ZNF331: variants seen among roughly 807,000 people sequenced by gnomAD.
ZNF331 encodes C2H2-like zinc finger protein rearranged in thyroid adenomas.
A neutral mutation model predicts 7.0 loss-of-function variants in ZNF331; 2 were observed. That is an observed-to-expected ratio of 0.29 (90% CI 0.12 to 0.90). The LOEUF (loss-of-function observed/expected upper bound fraction) is 0.90, where lower values mean the gene tolerates loss of function less well. Among genes scored for constraint, ZNF331 ranks in the 40% least tolerant of loss-of-function variants. The pLI is 0.58. For synonymous variants in ZNF331, 196 were observed against 205.4 expected, an observed-to-expected ratio of 0.95 and a Z score of 0.39; for missense variants, 432 against 587.7, an observed-to-expected ratio of 0.74 and a Z score of 2.74.
intron 4 of ZNF331, 80 bp downstream of exon 4, chr19:53,569,465 T>G (rs2090332159): frequency 6.6e-7 from 1 of 1,515,628 alleles, no homozygotes; most frequent in East Asian, 2.3e-5. Context: ...CTGAAGCCTT[T>G]TATCTAGTCA....
chr19:53,506,411 C>CCT, the ZNF331 span, among the ~76,000 whole-genome samples: 116 of 74,376 alleles, frequency 1.6e-3, no homozygotes, highest in South Asian at 2.0e-3. Context: ...CTCTCTCTCT[C>CCT]CTCTCTCTCT....
intron 3 of ZNF331, among the ~76,000 whole-genome samples, chr19:53,559,106 A>G (rs2089637677): frequency 7.0e-6 from 1 of 142,750 alleles, no homozygotes; most frequent in African/African-American, 2.5e-5. Context: ...AGAGACACAT[A>G]TATACACACC....
chr19:53,549,718 T>A (rs28811074), intron 2 of ZNF331, among the ~76,000 whole-genome samples: 11,604 of 151,542 alleles, frequency 0.077, 1,403 homozygotes, highest in African/African-American at 0.26. Flanking sequence ...AATTTTTTTT[T>A]AAAAATCTTT....
the ZNF331 span, among the ~76,000 whole-genome samples, chr19:53,506,466 C>CTCTCTCTGTCTG: frequency 7.0e-6 from 1 of 143,350 alleles, no homozygotes; most frequent in African/African-American, 2.7e-5. Flanking sequence ...CTCTCTCTCT[C>CTCTCTCTGTCTG]TCTCTCTCTC....
At chr19:53,540,859 G>A (rs1038101296) in intron 2 of ZNF331, among the ~76,000 whole-genome samples, 7 of 152,080 alleles carry the variant, frequency 4.6e-5, no homozygotes, top group African/African-American at 9.7e-5. Context: ...TTTCCATCAC[G>A]TCACTCTGAC....
In ZNF331 at chr19:53,558,017, G is replaced by A. The variant is rs1340341019; in HGVS notation, c.-74+2109G>A. Among the ~76,000 whole-genome samples, 1 of 152,092 alleles carries A rather than the reference G, an allele frequency of 6.6e-6. No individual in the cohort carries two copies. Among genetic ancestry groups the A allele is most frequent in the Non-Finnish European group, 1.5e-5 (1 of 68,002 alleles). ...TGTGTGGGGAGAAGCAAGCTGTAGT[G>A]GACATCAGCCGGATGTCCTGCAGTT... On this transcript the variant is annotated intron_variant, in intron 3 of 5. Transcript: ENST00000449416. The surrounding 1 kb of genome is among the most constrained non-coding windows in gnomAD (Gnocchi z 4.5).
the ZNF331 span, among the ~76,000 whole-genome samples, chr19:53,509,237 C>A: frequency 6.6e-6 from 1 of 152,188 alleles, no homozygotes; most frequent in African/African-American, 2.4e-5. Context: ...CCTCTGTGAG[C>A]TGCGTCTCCT....
chr19:53,570,315 A>C (rs1354625001), intron 4 of ZNF331, among the ~76,000 whole-genome samples: 2 of 152,020 alleles, frequency 1.3e-5, no homozygotes, highest in Non-Finnish European at 2.9e-5. Context: ...GATGGTAATA[A>C]ATATGAAGAT....
chr19:53,514,149 GC>G, the ZNF331 span, among the ~76,000 whole-genome samples: 4 of 151,836 alleles, frequency 2.6e-5, no homozygotes, highest in Admixed American at 6.6e-5. Context: ...TGTGGTTTTT[GC>G]CTGAAAACAC....
At chr19:53,554,649 T>G (rs1221153941) in intron 2 of ZNF331, 1 of 152,256 alleles carries the variant, frequency 6.6e-6, no homozygotes, top group Non-Finnish European at 1.5e-5. Context: ...TCGGTGCGCT[T>G]CTGCACCGGT....
chr19:53,551,784 T>C lies in ZNF331; in HGVS notation c.-137-4061T>C, dbSNP rs373413216. ...TTAGCATAGCATATAAGATAATTTATAAAGAATCTAGAATCTAAAATGTAC... is the reference window on the plus strand; with the variant it reads ...TTAGCATAGCATATAAGATAATTTACAAAGAATCTAGAATCTAAAATGTAC... On this transcript the variant is annotated intron_variant, in intron 2 of 5. Coordinates refer to ENST00000449416, the MANE Select transcript of ZNF331 (RefSeq NM_001079906.2). Among the ~76,000 whole-genome samples, 17 of 152,328 alleles carry C rather than the reference T, an allele frequency of 1.1e-4. No individual in the cohort carries two copies. In the East Asian group the frequency reaches 1.9e-3, roughly 17 times the overall value.
At chr19:53,550,460 G>A (rs2088907692) in intron 2 of ZNF331, among the ~76,000 whole-genome samples, 1 of 150,528 alleles carries the variant, frequency 6.6e-6, no homozygotes, top group South Asian at 2.1e-4. Context: ...CTTGACTGAT[G>A]GACTAATTTT....
intron 3 of ZNF331, among the ~76,000 whole-genome samples, chr19:53,561,254 G>A (rs927423677): frequency 6.9e-6 from 1 of 144,246 alleles, no homozygotes; most frequent in Non-Finnish European, 1.5e-5. Context: ...AACTATGTTT[G>A]TGTTTGGCAT....
At chr19:53,506,897 C>G in the ZNF331 span, among the ~76,000 whole-genome samples, 24 of 152,212 alleles carry the variant, frequency 1.6e-4, no homozygotes, top group African/African-American at 5.8e-4. Context: ...GGGGGCGAGT[C>G]ATTAGGATTC....
At chr19:53,559,329 TAG>T (rs996930886) in intron 3 of ZNF331, among the ~76,000 whole-genome samples, 7 of 149,354 alleles carry the variant, frequency 4.7e-5, no homozygotes, top group African/African-American at 1.5e-4. Context: ...CACCTACATA[TAG>T]AGACACACAC....
At chr19:53,518,577 T>C (rs1412006402), upstream of ZNF331, among the ~76,000 whole-genome samples, 1 of 152,206 alleles carries the variant, frequency 6.6e-6, no homozygotes, top group Non-Finnish European at 1.5e-5. Flanking sequence ...GTCAGAGCCA[T>C]AGACACGCAG....
At chr19:53,559,249 C>G (rs572911198) in intron 3 of ZNF331, among the ~76,000 whole-genome samples, 51 of 144,490 alleles carry the variant, frequency 3.5e-4, no homozygotes, top group African/African-American at 1.1e-3. Flanking sequence ...ATACACACAC[C>G]CCATGTACAC....
rs772789786 is a variant in ZNF331 at position 53,569,423 on chromosome 19, AT to A, written c.9+41del. 68 of 1,612,458 alleles carry A rather than the reference AT, an allele frequency of 4.2e-5. 1 individual carries two copies. The South Asian group carries it at 7.3e-4, about 17-fold the overall frequency. ...TTCTCTTTCCTTCTTGAGCTATGAT[AT>A]TTGCGTTCTGTGCATCTGCTTGTGA... On this transcript the variant is annotated intron_variant, in intron 4 of 5. Transcript: ENST00000449416.
At chr19:53,513,715 G>A in the ZNF331 span, among the ~76,000 whole-genome samples, 8 of 152,102 alleles carry the variant, frequency 5.3e-5, no homozygotes, top group Admixed American at 3.3e-4. Flanking sequence ...GCGATGGCAC[G>A]ATCTCGGCTC....
Sources: gnomAD v4.1 joint callset for allele counts (sites outside exome capture counted in the v4.1 genomes callset) on GRCh38, gnomAD v4.1.1 for gene constraint, Gnocchi (gnomAD v3.1) non-coding constraint, MANE v1.5 for transcripts, NCBI Gene and HGNC (gene_info 2026-07-23, HGNC 2026-07-21) for gene names.